XKRX: variants seen among roughly 807,000 people sequenced by gnomAD.
The protein encoded by XKRX is XK related X-linked.
Under a neutral mutation model 22.4 loss-of-function variants are expected in XKRX, and 11 were observed. That is an observed-to-expected ratio of 0.49 (90% CI 0.31 to 0.81). The LOEUF (loss-of-function observed/expected upper bound fraction) is 0.81, where lower values mean the gene tolerates loss of function less well. XKRX is among the 40% of genes least tolerant of loss of function. XKRX has a pLI of 0.05. For synonymous variants in XKRX, 114 were observed against 132.2 expected, an observed-to-expected ratio of 0.86 and a Z score of 0.94; for missense variants, 320 against 336.5, an observed-to-expected ratio of 0.95 and a Z score of 0.38.
rs1323931386 is a variant in XKRX, at chrX:100,928,780, A to G, written c.-476T>C. The G allele has an allele frequency of 2.5e-5, 19 of 756,563 alleles. No individual in the cohort carries two copies. The highest frequency in any genetic ancestry group is 8.5e-5 in the Admixed American group (1 of 11,820). 62.3% of individuals were successfully genotyped at this position (756,563 alleles called of 1,213,427 possible). On this transcript the variant is annotated 5_prime_UTR_variant, in exon 1 of 3. Transcript: ENST00000372956. The stretch of plus-strand genomic sequence containing the variant: ...AGTGTGTCCTCTCAAGTCAGCGGAG[A>G]GCTGAGCCAGGGCAGAAGAGCGGGC...
At chrX:100,931,205 C>T (rs1432049021), upstream of XKRX, among the ~76,000 whole-genome samples, 1 of 109,677 alleles carries the variant, frequency 9.1e-6, no homozygotes, top group Admixed American at 9.7e-5. Context: ...AATGTAGAAT[C>T]CCAACGTTTA....
chrX:100,957,769 G>A, the XKRX span, among the ~76,000 whole-genome samples: 2 of 112,096 alleles, frequency 1.8e-5, no homozygotes, highest in African/African-American at 6.5e-5. Flanking sequence ...TTAAAATCTC[G>A]TATTTGTCCC....
the XKRX span, chrX:100,957,670 G>C: frequency 9.8e-6 from 4 of 409,870 alleles, no homozygotes; most frequent in Non-Finnish European, 1.7e-5. Flanking sequence ...TACTTTAGCA[G>C]TTCAACTTGA....
At chrX:100,917,519 G>A (rs1431143062) in intron 2 of XKRX, among the ~76,000 whole-genome samples, 2 of 101,260 alleles carry the variant, frequency 2.0e-5, no homozygotes, top group Admixed American at 1.1e-4. Context: ...AAGAAAGAAA[G>A]GGAGAAAGAG....
At chrX:100,949,015 T>G in the XKRX span, among the ~76,000 whole-genome samples, 1 of 112,700 alleles carries the variant, frequency 8.9e-6, no homozygotes, top group Non-Finnish European at 1.9e-5. Context: ...TTCCCCACAG[T>G]GCCAACAAGG....
the XKRX span, among the ~76,000 whole-genome samples, chrX:100,944,661 C>T: frequency 4.6e-3 from 514 of 112,442 alleles, 2 homozygotes; most frequent in African/African-American, 0.016. Flanking sequence ...CCATGCCCAG[C>T]CAAATAAAAC....
At chrX:100,952,891 G>T in the XKRX span, among the ~76,000 whole-genome samples, 1 of 112,323 alleles carries the variant, frequency 8.9e-6, no homozygotes. Flanking sequence ...TTTGATGGTG[G>T]TTACACAAAT....
chrX:100,957,175 A>G, the XKRX span: 1 of 1,080,618 alleles, frequency 9.3e-7, no homozygotes, highest in East Asian at 3.0e-5. Context: ...GTTCACAAAA[A>G]GGATTCTGGC....
chrX:100,950,630 C>G, the XKRX span, among the ~76,000 whole-genome samples: 1 of 111,948 alleles, frequency 8.9e-6, no homozygotes, highest in Non-Finnish European at 1.9e-5. Flanking sequence ...AGATCATATC[C>G]TGGGTCATAA....
chrX:100,888,513 C>T, the XKRX span: 1 of 748,268 alleles, frequency 1.3e-6, no homozygotes, highest in Non-Finnish European at 2.1e-6. Context: ...AGGCTCTCGT[C>T]GGTTGTTTCA....
the XKRX span, among the ~76,000 whole-genome samples, chrX:100,954,508 G>C: frequency 1.8e-5 from 2 of 111,406 alleles, no homozygotes; most frequent in Non-Finnish European, 3.8e-5. Flanking sequence ...TGATCTGGCA[G>C]TTCCTCAAAA....
chrX:100,921,627 A>G (rs1356898156), intron 2 of XKRX, among the ~76,000 whole-genome samples: 1 of 110,895 alleles, frequency 9.0e-6, no homozygotes, highest in East Asian at 2.8e-4. Flanking sequence ...GGCTGTTAAA[A>G]TTCATTAACA....
the XKRX span, among the ~76,000 whole-genome samples, chrX:100,889,402 A>T: frequency 1.7e-4 from 18 of 108,834 alleles, no homozygotes; most frequent in Admixed American, 4.0e-4. Flanking sequence ...TTATTTATTT[A>T]TTTTTTTAAA....
At chrX:100,908,944 T>C (rs776416687), downstream of XKRX, among the ~76,000 whole-genome samples, 54 of 111,299 alleles carry the variant, frequency 4.9e-4, 1 homozygote, top group Admixed American at 1.3e-3. Flanking sequence ...TTCTCTACTG[T>C]CCACTTCCCT....
At position 100,928,439 on chromosome X, in the gene XKRX, T is replaced by C; in HGVS notation, c.-135A>G. ...GTCAAGTCCAGTTTGGGAACAGAGA[T>C]TCACTAGTTAGAGCAAGAAACCGCT... On this transcript the variant is annotated 5_prime_UTR_variant, in exon 1 of 3. Transcript: ENST00000372956. 8.8e-7 allele frequency: 1 copy of C among 1,134,067 alleles called. No individual in the cohort carries two copies. Among genetic ancestry groups the C allele is most frequent in the Non-Finnish European group, 1.2e-6 (1 of 861,939 alleles). The allele number at this position is 1,134,067 out of a possible 1,213,427, so 93.5% of individuals were successfully genotyped here. A position where few individuals can be genotyped will look rare whatever the true frequency, so the allele number is the denominator to read the frequency against.
chrX:100,949,262 C>T, the XKRX span, among the ~76,000 whole-genome samples: 1 of 111,285 alleles, frequency 9.0e-6, no homozygotes, highest in Non-Finnish European at 1.9e-5. Context: ...CAGCAGGGTC[C>T]AGCAGAAAGC....
At chrX:100,935,135 A>C in the XKRX span, among the ~76,000 whole-genome samples, 2 of 112,284 alleles carry the variant, frequency 1.8e-5, no homozygotes, top group African/African-American at 6.5e-5. Flanking sequence ...TTTATTTGTA[A>C]ATATTTATAA....
chrX:100,953,213 AG>A, the XKRX span, among the ~76,000 whole-genome samples: 1 of 111,619 alleles, frequency 9.0e-6, no homozygotes, highest in Non-Finnish European at 1.9e-5. Context: ...ACTTGAGCCC[AG>A]GCGTTCAAGG....
chrX:100,928,918 C>A (rs975168578), upstream of XKRX: 446 of 689,341 alleles, frequency 6.5e-4, 1 homozygote, highest in Middle Eastern at 2.6e-3. Flanking sequence ...AGGACCTTTG[C>A]CGAGTCCAGG....
Sources: allele counts gnomAD v4.1 joint callset (sites outside exome capture counted in the v4.1 genomes callset), GRCh38; gene constraint gnomAD v4.1.1; transcripts MANE v1.5; gene names NCBI Gene and HGNC (gene_info 2026-07-23, HGNC 2026-07-21).